The following RUNX1 variants were observed in gnomAD, a reference collection of about 807,000 sequenced individuals.
The protein encoded by RUNX1 is RUNX family transcription factor 1, also known as runt-related transcription factor 1.
RUNX1 carries 19 observed loss-of-function variants against 42.8 expected under a neutral mutation model. The ratio of observed to expected loss-of-function variants is 0.44; its 90% CI spans 0.31 to 0.65. The LOEUF (loss-of-function observed/expected upper bound fraction) is 0.65. Ranked by LOEUF, RUNX1 falls within the 30% of genes least tolerant of loss-of-function variation. The pLI, the probability that RUNX1 is intolerant of heterozygous loss-of-function variation, is 0.07. For missense variants in RUNX1, 528 were observed against 672.0 expected, an observed-to-expected ratio of 0.79 and a Z score of 2.37; for synonymous variants, 271 against 289.4, an observed-to-expected ratio of 0.94 and a Z score of 0.64.
intron 3 of RUNX1, among the ~76,000 whole-genome samples, chr21:34,892,310 A>AT (rs138468724): frequency 0.022 from 3,305 of 152,160 alleles, 107 homozygotes; most frequent in African/African-American, 0.076. Context: ...TTAATTAAAC[A>AT]TTTTTTTCTT....
intron 2 of RUNX1, among the ~76,000 whole-genome samples, chr21:35,035,830 T>C (rs1041957547): frequency 1.3e-5 from 2 of 152,230 alleles, no homozygotes; most frequent in African/African-American, 4.8e-5. Flanking sequence ...CTCTCTCTGC[T>C]TTCTGCTCCT....
chr21:35,019,764 C>G (rs2059185031), intron 2 of RUNX1, among the ~76,000 whole-genome samples: 2 of 152,074 alleles, frequency 1.3e-5, no homozygotes, highest in Admixed American at 1.3e-4. Flanking sequence ...CCAAACCTGC[C>G]GAAGCCAAGT....
In RUNX1 at chr21:34,890,304, C is replaced by T. The variant is rs945160081; in HGVS notation, c.97+2621G>A. 3.0e-4 allele frequency among the ~76,000 whole-genome samples: 45 copies of T among 152,244 alleles called. 1 individual carries two copies. The highest frequency in any genetic ancestry group is 1.0e-3 in the African/African-American group (42 of 41,568). Reference sequence around the variant, plus strand: ...GGGGCTGTGCGGCCCGCCTCGTGGCCTTCGGGTCGCCCGGGAAGAACTAGC... The same window carrying T: ...GGGGCTGTGCGGCCCGCCTCGTGGCTTTCGGGTCGCCCGGGAAGAACTAGC... On this transcript the variant is annotated intron_variant, in intron 3 of 8. Transcript: ENST00000675419.
chr21:34,979,984 G>A (rs996015304), intron 2 of RUNX1, among the ~76,000 whole-genome samples: 5 of 152,328 alleles, frequency 3.3e-5, no homozygotes, highest in Admixed American at 6.5e-5. Context: ...GCGCATGGCC[G>A]AAAGCGAGCT....
intron 3 of RUNX1, 200 bp from the exon 4 acceptor site, chr21:34,887,296 A>T: frequency 1.4e-6 from 2 of 1,459,746 alleles, no homozygotes; most frequent in Non-Finnish European, 1.8e-6. Context: ...CTAACAGTCC[A>T]GGAGGGGAAA....
At chr21:34,923,162 T>C (rs2058366750) in intron 2 of RUNX1, among the ~76,000 whole-genome samples, 1 of 152,192 alleles carries the variant, frequency 6.6e-6, no homozygotes, top group Admixed American at 6.5e-5. Flanking sequence ...GTATGGCTTA[T>C]CCTTGGCCGT....
chr21:34,985,319 A>C (rs1389557024), intron 2 of RUNX1, among the ~76,000 whole-genome samples: 1 of 152,230 alleles, frequency 6.6e-6, no homozygotes, highest in Non-Finnish European at 1.5e-5. Context: ...TCTTGGGTTC[A>C]GGCCCATCGG....
At chr21:35,044,689 G>A (rs1453974454) in intron 2 of RUNX1, among the ~76,000 whole-genome samples, 1 of 152,176 alleles carries the variant, frequency 6.6e-6, no homozygotes, top group Non-Finnish European at 1.5e-5. Flanking sequence ...CTTCTCTCTA[G>A]GCCTTGGGCT....
chr21:34,968,067 C>T (rs1305447210), intron 2 of RUNX1, among the ~76,000 whole-genome samples: 3 of 152,196 alleles, frequency 2.0e-5, no homozygotes, highest in African/African-American at 7.2e-5. Context: ...CAGCTTCCTG[C>T]AACTGTGGCA....
At chr21:34,850,874 G>T (rs1339928577) in intron 6 of RUNX1, among the ~76,000 whole-genome samples, 2 of 152,078 alleles carry the variant, frequency 1.3e-5, no homozygotes, top group African/African-American at 4.8e-5. Context: ...TTTGGTTAAA[G>T]TTTTCTCATT....
chr21:34,885,444 ACGTTCCTT>A (rs546854385), intron 4 of RUNX1, among the ~76,000 whole-genome samples: 210 of 152,276 alleles, frequency 1.4e-3, no homozygotes, highest in African/African-American at 4.9e-3. Flanking sequence ...GCAAGCCACC[ACGTTCCTT>A]CGTTCCTTCT....
At chr21:35,041,407 C>G (rs550771103) in intron 2 of RUNX1, among the ~76,000 whole-genome samples, 4 of 152,190 alleles carry the variant, frequency 2.6e-5, no homozygotes, top group South Asian at 2.1e-4. Flanking sequence ...TTGTGATGAC[C>G]TTTCCCATTT....
At chr21:34,967,268 CA>C (rs1325061951) in intron 2 of RUNX1, among the ~76,000 whole-genome samples, 2 of 121,920 alleles carry the variant, frequency 1.6e-5, no homozygotes, top group Admixed American at 1.0e-4. Flanking sequence ...TGCAGTGAGC[CA>C]AAATCGCATC....
intron 7 of RUNX1, among the ~76,000 whole-genome samples, chr21:34,810,099 G>A (rs1431252963): frequency 6.6e-6 from 1 of 152,238 alleles, no homozygotes; most frequent in Non-Finnish European, 1.5e-5. Context: ...GGGGCATGGA[G>A]CAGTGATCTC....
At chr21:34,818,012 T>C (rs1203093651) in intron 7 of RUNX1, among the ~76,000 whole-genome samples, 1 of 152,246 alleles carries the variant, frequency 6.6e-6, no homozygotes, top group Non-Finnish European at 1.5e-5. Flanking sequence ...TGCGGTTTCA[T>C]CAATGAATAA....
At chr21:35,002,319 A>C (rs1370648443) in intron 2 of RUNX1, among the ~76,000 whole-genome samples, 4 of 151,582 alleles carry the variant, frequency 2.6e-5, no homozygotes, top group Non-Finnish European at 5.9e-5. Context: ...TTGCACCCCC[A>C]GCTGCCCCTT....
chr21:34,840,571 A>G (rs1197982934), intron 6 of RUNX1, among the ~76,000 whole-genome samples: 1 of 151,654 alleles, frequency 6.6e-6, no homozygotes, highest in Non-Finnish European at 1.5e-5. Context: ...ACTTCTAATG[A>G]GGTTACGACT....
At chr21:34,804,773 C>T (rs1380854040) in intron 7 of RUNX1, among the ~76,000 whole-genome samples, 5 of 143,840 alleles carry the variant, frequency 3.5e-5, no homozygotes, top group Non-Finnish European at 7.5e-5. Context: ...GACAGTGTCT[C>T]GCTCTGTCGC....
intron 2 of RUNX1, among the ~76,000 whole-genome samples, chr21:35,027,482 T>C (rs1601688141): frequency 6.6e-6 from 1 of 152,188 alleles, no homozygotes; most frequent in Non-Finnish European, 1.5e-5. Context: ...TAAAACCTAA[T>C]AGATGTGCAA....
Sources: allele counts gnomAD v4.1 joint callset (sites outside exome capture counted in the v4.1 genomes callset), GRCh38; gene constraint gnomAD v4.1.1; transcripts MANE v1.5; gene names NCBI Gene and HGNC (gene_info 2026-07-23, HGNC 2026-07-21).